The following KCNJ16 variants were observed in gnomAD, a reference collection of about 807,000 sequenced individuals.
KCNJ16 encodes inward rectifier potassium channel 16.
Under a neutral mutation model 18.5 loss-of-function variants are expected in KCNJ16, and 15 were observed. The observed-to-expected ratio is 0.81, with a 90% CI of 0.54 to 1.25. The LOEUF is 1.25. KCNJ16 is among the 50% of genes most tolerant of loss of function. The pLI is 0.00. For synonymous variants in KCNJ16, 174 were observed against 186.5 expected (o/e 0.93, Z 0.55); for missense variants, 523 against 525.7 (o/e 0.99, Z 0.05).
intron 2 of KCNJ16, among the ~76,000 whole-genome samples, chr17:70,115,117 A>C (rs186990913): frequency 1.1e-3 from 168 of 152,268 alleles, no homozygotes; most frequent in Non-Finnish European, 7.6e-4. Context: ...CTAGGTCTCA[A>C]TTTTTGAAAC....
intron 1 of KCNJ16, among the ~76,000 whole-genome samples, chr17:70,095,766 A>C (rs1484350590): frequency 1.3e-5 from 2 of 152,024 alleles, no homozygotes; most frequent in African/African-American, 4.8e-5. Flanking sequence ...ACTGGATATC[A>C]AATGTGGTAC....
intron 2 of KCNJ16, chr17:70,128,951 A>G (rs1022084732): frequency 1.3e-5 from 2 of 152,234 alleles, no homozygotes; most frequent in African/African-American, 4.8e-5. Flanking sequence ...TGTAACTGCT[A>G]CGCAGTACGC....
intron 1 of KCNJ16, among the ~76,000 whole-genome samples, chr17:70,087,376 G>A (rs2071854057): frequency 6.6e-6 from 1 of 152,030 alleles, no homozygotes; most frequent in Non-Finnish European, 1.5e-5. Flanking sequence ...CCACTACAGT[G>A]TCCTCTTTCC....
At chr17:70,119,559 C>A (rs2073547846) in intron 2 of KCNJ16, among the ~76,000 whole-genome samples, 1 of 152,164 alleles carries the variant, frequency 6.6e-6, no homozygotes, top group South Asian at 2.1e-4. Flanking sequence ...GGCTTAACAC[C>A]ACATAGAAGT....
At chr17:70,092,159 A>G (rs2072118337) in intron 1 of KCNJ16, among the ~76,000 whole-genome samples, 1 of 152,206 alleles carries the variant, frequency 6.6e-6, no homozygotes, top group South Asian at 2.1e-4. Context: ...TAGTTTCCAT[A>G]TAGGATCAAA....
At position 70,135,163 on chromosome 17, in the gene KCNJ16, T is replaced by C. The variant is rs2074183894; in HGVS notation, c.*1819T>C. ...AATATTAGAGACCCAAGTAAGATTG[T>C]TTTTAGTCTTGCTTGAGGAATGCAC... On this transcript the variant is annotated 3_prime_UTR_variant, in exon 4 of 4. Transcript: ENST00000392671. 1 of 166,774 alleles carries C rather than the reference T, an allele frequency of 6.0e-6. No homozygotes were observed. The highest frequency in any genetic ancestry group is 2.4e-5 in the African/African-American group (1 of 41,426). 10.3% of individuals were successfully genotyped at this position (166,774 alleles called of 1,614,324 possible).
At position 70,079,114 on chromosome 17, in the gene KCNJ16, G is replaced by C. The variant is rs142226507; in HGVS notation, c.-300+3724G>C. ...AACACAGAGAGATCTTAAGGAATTG[G>C]CTCAAGCGATTATGGTGGCTGGCAA... On this transcript the variant is annotated intron_variant, in intron 1 of 3. Coordinates refer to ENST00000392671, the MANE Select transcript of KCNJ16 (RefSeq NM_170741.4). Among the ~76,000 whole-genome samples the C allele has an allele frequency of 4.3e-3, 656 of 152,270 alleles. 5 individuals are homozygous for C. Among genetic ancestry groups the C allele is most frequent in the Non-Finnish European group, 5.4e-3 (365 of 68,026 alleles).
Position 70,133,684 on chromosome 17 carries a change from A to T in KCNJ16, c.*340A>T, listed in dbSNP as rs573131682. On this transcript the variant is annotated 3_prime_UTR_variant, in exon 4 of 4. Coordinates refer to ENST00000392671, the MANE Select transcript of KCNJ16 (RefSeq NM_170741.4). ...AAGGAGGCTGGAATAAATAAAAATA[A>T]AAATAGACAAGTAAGACAGCATAAA... 6 of 205,750 alleles carry T rather than the reference A, an allele frequency of 2.9e-5. No homozygotes were observed. The highest frequency in any genetic ancestry group is 5.4e-5 in the Non-Finnish European group (5 of 92,172). 12.7% of individuals were successfully genotyped at this position (205,750 alleles called of 1,614,324 possible).
intron 2 of KCNJ16, among the ~76,000 whole-genome samples, chr17:70,115,076 TACTTAA>T (rs984656946): frequency 3.3e-5 from 5 of 152,136 alleles, no homozygotes; most frequent in African/African-American, 9.6e-5. Flanking sequence ...ATCAAGCAGG[TACTTAA>T]ACTTAAATCC....
At position 70,134,091 on chromosome 17, in the gene KCNJ16, C is replaced by T. The variant is rs1299290507; in HGVS notation, c.*747C>T. 1 of 167,102 alleles carries T rather than the reference C, an allele frequency of 6.0e-6. No individual in the cohort carries two copies. The highest frequency in any genetic ancestry group is 6.5e-5 in the Admixed American group (1 of 15,282). 10.4% of individuals were successfully genotyped at this position (167,102 alleles called of 1,614,324 possible). A position where few individuals can be genotyped will look rare whatever the true frequency, so the allele number is the denominator to read the frequency against. On this transcript the variant is annotated 3_prime_UTR_variant, in exon 4 of 4. Transcript: ENST00000392671. Reference sequence around the variant, plus strand: ...AAATGGAGACCAGAAACAAGGCAACCACGACCTTGCTAGGTTCTCTGAGGA... The same window carrying T: ...AAATGGAGACCAGAAACAAGGCAACTACGACCTTGCTAGGTTCTCTGAGGA...
At chr17:70,105,393 C>T (rs547513382) in intron 2 of KCNJ16, among the ~76,000 whole-genome samples, 4 of 152,240 alleles carry the variant, frequency 2.6e-5, no homozygotes, top group East Asian at 1.9e-4. Context: ...AACTTACTGA[C>T]GTGGAGCAAC....
chr17:70,094,237 A>C (rs2072252153), intron 1 of KCNJ16, among the ~76,000 whole-genome samples: 1 of 152,240 alleles, frequency 6.6e-6, no homozygotes, highest in African/African-American at 2.4e-5. Flanking sequence ...AAAAACTCAA[A>C]GTGAAAATAA....
chr17:70,109,735 G>T (rs967962497), intron 2 of KCNJ16, among the ~76,000 whole-genome samples: 3 of 152,128 alleles, frequency 2.0e-5, no homozygotes, highest in African/African-American at 7.2e-5. Context: ...CTTGGCTTTC[G>T]ACCTTAGAAG....
chr17:70,077,884 A>G (rs1176671659), intron 1 of KCNJ16, among the ~76,000 whole-genome samples: 2 of 152,132 alleles, frequency 1.3e-5, no homozygotes, highest in East Asian at 3.8e-4. Context: ...AAAAAAAGAT[A>G]GTTTATCTGA....
At chr17:70,085,572 C>T (rs1468018208) in intron 1 of KCNJ16, among the ~76,000 whole-genome samples, 3 of 152,090 alleles carry the variant, frequency 2.0e-5, no homozygotes, top group African/African-American at 7.2e-5. Flanking sequence ...GGATTACATA[C>T]CCACTAGTCA....
At chr17:70,129,858 T>A (rs1213914655) in intron 2 of KCNJ16, among the ~76,000 whole-genome samples, 2 of 152,192 alleles carry the variant, frequency 1.3e-5, no homozygotes, top group African/African-American at 4.8e-5. Context: ...ACCCCTGGAA[T>A]TCAAAATGAT....
Position 70,132,624 on chromosome 17 carries a change from C to A in KCNJ16, c.537C>A (p.Ala179=), listed in dbSNP as rs781672879. 2 of 1,614,096 alleles carry A rather than the reference C, an allele frequency of 1.2e-6. No homozygotes were observed. Among genetic ancestry groups the A allele is most frequent in the Non-Finnish European group, 8.5e-7 (1 of 1,180,034 alleles). Residue 179 remains alanine, a synonymous_variant, in exon 4 of 4, where the codon GCC becomes GCA. Transcript: ENST00000392671. The part of the protein sequence containing the change: ...LAKMATARKR[A]QTIRFSYFAL... ...AAATGGCAACTGCTCGAAAGAGAGC[C>A]CAAACCATTCGTTTCAGCTACTTTG...
chr17:70,077,674 GTT>G (rs77277323), intron 1 of KCNJ16, among the ~76,000 whole-genome samples: 126,166 of 149,408 alleles, frequency 0.84, 53,298 homozygotes, highest in East Asian at 0.92. Context: ...GTTAGGCTGT[GTT>G]TTTTTTTTTT....
At chr17:70,109,383 T>C (rs1197692106) in intron 2 of KCNJ16, among the ~76,000 whole-genome samples, 1 of 152,190 alleles carries the variant, frequency 6.6e-6, no homozygotes, top group Non-Finnish European at 1.5e-5. Flanking sequence ...TGGCTGATAA[T>C]TGTTATCTGA....
Sources: gnomAD v4.1 joint callset for allele counts (sites outside exome capture counted in the v4.1 genomes callset) on GRCh38, gnomAD v4.1.1 for gene constraint, MANE v1.5 for transcripts, NCBI Gene and HGNC (gene_info 2026-07-23, HGNC 2026-07-21) for gene names.